The following PRRC2C variants were observed in gnomAD, a reference collection of about 807,000 sequenced individuals.
The protein encoded by PRRC2C is proline rich coiled-coil 2C.
A neutral mutation model predicts 317.2 loss-of-function variants in PRRC2C; 72 were observed. The ratio of observed to expected loss-of-function variants is 0.23; its 90% confidence interval spans 0.19 to 0.28. PRRC2C has a LOEUF of 0.28. Ranked by LOEUF, PRRC2C falls within the 10% of genes least tolerant of loss-of-function variation. The pLI is 1.00. For missense variants in PRRC2C, 3,074 were observed against 3,459.7 expected, an observed-to-expected ratio of 0.89 and a Z score of 2.80; for synonymous variants, 1,296 against 1,205.9, an observed-to-expected ratio of 1.07 and a Z score of -1.55.
chr1:171,532,577 C>A lies in PRRC2C; in HGVS notation c.1489C>A (p.Leu497Met), dbSNP rs1443586674. Residue 497 changes from leucine to methionine, a missense_variant, in exon 12 of 35, where the codon CTG becomes ATG. Around this residue, in one of 11 missense-constraint regions of PRRC2C, gnomAD observed 1,320 missense variants for 1,395.7 expected, o/e 0.95. Coordinates refer to ENST00000647382, the MANE Select transcript of PRRC2C (RefSeq NM_001387844.1). ...LKRLDEKLGI[L>M]EKQPSPEEIR... ...ACGATTGGATGAGAAGCTTGGCATC[C>A]TGGAAAAACAACCATCTCCAGAGGA... 1 of 1,566,388 alleles carries A rather than the reference C, an allele frequency of 6.4e-7. No homozygotes were observed. Among genetic ancestry groups the A allele is most frequent in the Admixed American group, 1.9e-5 (1 of 52,088 alleles).
At chr1:171,542,271 A>C in intron 16 of PRRC2C, 42 bp downstream of exon 16, 2 of 1,416,570 alleles carry the variant, frequency 1.4e-6, no homozygotes, top group Non-Finnish European at 1.9e-6. Flanking sequence ...TGCACCTTTA[A>C]AGAAGCTAAA....
At chr1:171,533,661 G>C (rs868474093) in intron 12 of PRRC2C, among the ~76,000 whole-genome samples, 2 of 152,198 alleles carry the variant, frequency 1.3e-5, no homozygotes, top group Non-Finnish European at 1.5e-5. Flanking sequence ...GTCTCTCTCT[G>C]TCTCCAGGCT....
rs1033974268 is a variant in PRRC2C, at chr1:171,557,319, C to G, written c.5207C>G (p.Ala1736Gly). The G allele has an allele frequency of 6.4e-7, 1 of 1,551,894 alleles. No homozygotes were observed. Among genetic ancestry groups the G allele is most frequent in the African/African-American group, 1.4e-5 (1 of 73,048 alleles). ...KLPPRFAKKQ[A>G]TGIQQAQSSA... Reference sequence around the variant, plus strand: ...CCTCCAAGATTTGCCAAAAAACAGGCTACAGGGATCCAGCAAGCACAGTCT... The same window carrying G: ...CCTCCAAGATTTGCCAAAAAACAGGGTACAGGGATCCAGCAAGCACAGTCT... Residue 1736 changes from alanine (A) to glycine (G), a missense_variant, in exon 19 of 35, where the codon GCT becomes GGT. Ala to Gly is a moderately conservative substitution (Grantham distance 60, BLOSUM62 0). Around this residue, in one of 11 missense-constraint regions of PRRC2C, gnomAD observed 640 missense variants for 676.1 expected, o/e 0.95. Transcript: ENST00000647382.
intron 6 of PRRC2C, among the ~76,000 whole-genome samples, chr1:171,519,666 G>T (rs1673179574): frequency 6.6e-6 from 1 of 152,020 alleles, no homozygotes; most frequent in Non-Finnish European, 1.5e-5. Flanking sequence ...CATGTGCCTG[G>T]ATACATCCAT....
intron 19 of PRRC2C, among the ~76,000 whole-genome samples, chr1:171,560,054 A>G (rs1019129732): frequency 6.6e-5 from 10 of 152,202 alleles, no homozygotes. Flanking sequence ...TAAGAAATAC[A>G]TTTTCTAAGG....
chr1:171,543,641 T>G (rs997397349), intron 16 of PRRC2C, among the ~76,000 whole-genome samples: 1 of 152,244 alleles, frequency 6.6e-6, no homozygotes, highest in Non-Finnish European at 1.5e-5. Flanking sequence ...AAGAATTTAT[T>G]TGGACTGTAT....
intron 11 of PRRC2C, among the ~76,000 whole-genome samples, chr1:171,531,207 G>A (rs1675798650): frequency 6.6e-6 from 1 of 152,210 alleles, no homozygotes; most frequent in Non-Finnish European, 1.5e-5. Context: ...CACAGGGGGA[G>A]GCAGAGGAGT....
chr1:171,505,809 G>A (rs1670069869), intron 1 of PRRC2C, among the ~76,000 whole-genome samples: 1 of 152,142 alleles, frequency 6.6e-6, no homozygotes, highest in African/African-American at 2.4e-5. Context: ...ACTGCATAAC[G>A]ATGTTTCAGT....
Position 171,589,349 on chromosome 1 carries a change from G to GTT in PRRC2C, c.8200-17_8200-16dup. The GTT allele has an allele frequency of 1.1e-6, 1 of 927,030 alleles. No individual in the cohort carries two copies. Among genetic ancestry groups the GTT allele is most frequent in the Non-Finnish European group, 1.5e-6 (1 of 680,354 alleles). 57.4% of individuals were successfully genotyped at this position (927,030 alleles called of 1,614,324 possible). On this transcript the variant is annotated intron_variant, in intron 33 of 34. Coordinates refer to ENST00000647382, the MANE Select transcript of PRRC2C (RefSeq NM_001387844.1). Reference sequence around the variant, plus strand: ...TTTTTTTAACAGTTCAATGTTGTATGTTTTGTTTTTTTCACTCAGATTCTC... The same window carrying GTT: ...TTTTTTTAACAGTTCAATGTTGTATGTTTTTTGTTTTTTTCACTCAGATTCTC...
chr1:171,589,746 C>A, intron 34 of PRRC2C, 141 bp downstream of exon 34: 1 of 421,424 alleles, frequency 2.4e-6, no homozygotes, highest in Non-Finnish European at 3.8e-6. Context: ...ATTCATTCCC[C>A]CTTTTTTTTC....
At chr1:171,547,633 C>CTTTTTTTTTTTGTTTTT (rs1679361223) in intron 17 of PRRC2C, among the ~76,000 whole-genome samples, 1 of 129,840 alleles carries the variant, frequency 7.7e-6, no homozygotes. Flanking sequence ...AGTTTCCCTT[C>CTTTTTTTTTTTGTTTTT]TTTTTTTTTT....
intron 23 of PRRC2C, 138 bp downstream of exon 23, chr1:171,568,477 G>A: frequency 3.7e-6 from 5 of 1,360,330 alleles, no homozygotes; most frequent in Non-Finnish European, 4.8e-6. Flanking sequence ...TTGTGTTTAG[G>A]AGTACTGTAA....
intron 21 of PRRC2C, 35 bp from the exon 22 acceptor site, chr1:171,566,557 A>G (rs1453934149): frequency 1.6e-5 from 25 of 1,524,346 alleles, no homozygotes; most frequent in East Asian, 2.4e-5. Context: ...CTCATCTATC[A>G]TAAACATAGT....
chr1:171,587,211 C>A lies in PRRC2C; in HGVS notation c.7958C>A (p.Thr2653Asn). Reference protein sequence around the residue: ...PAGTQHSMIATTGKMSEMELK... With the variant: ...PAGTQHSMIANTGKMSEMELK... ...GGAACACAGCATAGCATGATTGCAA[C>A]CACAGGAAAAGTAAGTAAAGAGACA... Residue 2653 changes from threonine to asparagine, a missense_variant, in exon 31 of 35, where the codon ACC (threonine) becomes AAC (asparagine). Coordinates refer to ENST00000647382, the MANE Select transcript of PRRC2C (RefSeq NM_001387844.1). 1 of 1,599,556 alleles carries A rather than the reference C, an allele frequency of 6.3e-7. No individual in the cohort carries two copies. Among genetic ancestry groups the A allele is most frequent in the South Asian group, 1.1e-5 (1 of 88,294 alleles).
Position 171,512,179 on chromosome 1 carries a change from T to A in PRRC2C, c.91T>A (p.Leu31Ile). 6.4e-7 allele frequency: 1 copy of A among 1,571,984 alleles called. No individual in the cohort carries two copies. The highest frequency in any genetic ancestry group is 8.6e-7 in the Non-Finnish European group (1 of 1,156,492). Residue 31 changes from leucine (L) to isoleucine (I), a missense_variant, in exon 2 of 35, where the codon TTA becomes ATA. Coordinates refer to ENST00000647382, the MANE Select transcript of PRRC2C (RefSeq NM_001387844.1). Reference protein sequence around the residue: ...SLFNTYKGKSLETQKTTVAAR... With the variant: ...SLFNTYKGKSIETQKTTVAAR... ...ATTTAATACTTACAAGGGGAAATCATTAGAAACACAGAAAACCACAGGTGA... is the reference window on the plus strand; with the variant it reads ...ATTTAATACTTACAAGGGGAAATCAATAGAAACACAGAAAACCACAGGTGA...
At chr1:171,561,684 T>C (rs192900970) in intron 20 of PRRC2C, among the ~76,000 whole-genome samples, 23 of 152,336 alleles carry the variant, frequency 1.5e-4, no homozygotes, top group Middle Eastern at 3.4e-3. Context: ...AGAAAGATCT[T>C]AATGAAACAG....
intron 33 of PRRC2C, 122 bp from the exon 34 acceptor site, chr1:171,589,247 C>T: frequency 2.3e-6 from 1 of 430,574 alleles, no homozygotes; most frequent in Non-Finnish European, 4.0e-6. Context: ...TGTACACTTC[C>T]TTTCACTGGT....
chr1:171,556,519 G>A (rs1258525687), intron 18 of PRRC2C, among the ~76,000 whole-genome samples: 4 of 152,204 alleles, frequency 2.6e-5, no homozygotes, highest in Non-Finnish European at 5.9e-5. Context: ...CACACTGGGA[G>A]CTGCAGACTG....
chr1:171,550,775 T>C (rs1257383532), intron 18 of PRRC2C, among the ~76,000 whole-genome samples: 4 of 152,156 alleles, frequency 2.6e-5, no homozygotes, highest in Non-Finnish European at 5.9e-5. Context: ...GCTTCATCCA[T>C]GTCCCTGCAA....
Sources: allele counts gnomAD v4.1 joint callset (sites outside exome capture counted in the v4.1 genomes callset), GRCh38; gene constraint gnomAD v4.1.1; regional missense constraint gnomAD v4.1.1; transcripts MANE v1.5; gene names NCBI Gene and HGNC (gene_info 2026-07-23, HGNC 2026-07-21).